Variants in TBATA observed in about 807,000 individuals in gnomAD.
The protein encoded by TBATA is protein TBATA.
In TBATA, 47 loss-of-function variants were observed where a neutral mutation model predicts 38.7. The observed-to-expected ratio is 1.21, with a 90% CI of 0.96 to 1.55. The LOEUF is 1.55. TBATA is among the 40% of genes most tolerant of loss of function. The probability of loss-of-function intolerance (pLI) is 0.00; values close to 1 mark genes in which losing one functional copy is unlikely to be tolerated. For synonymous variants in TBATA, 183 were observed against 170.5 expected (o/e 1.07, Z -0.57); for missense variants, 436 against 435.6 (o/e 1.00, Z -0.01).
chr10:70,774,063 G>A lies in TBATA; in HGVS notation c.920+150C>T. ...GAAGTGGCTTGGGTAGCACTAGAAGGTCCCTGGGGGAGGGGCTGGGCCTCT... is the reference window on the plus strand; with the variant it reads ...GAAGTGGCTTGGGTAGCACTAGAAGATCCCTGGGGGAGGGGCTGGGCCTCT... On this transcript the variant is annotated intron_variant, in intron 9 of 10. Coordinates refer to ENST00000456372, the MANE Select transcript of TBATA (RefSeq NM_001318241.2). 2.8e-6 allele frequency: 3 copies of A among 1,075,298 alleles called. No homozygotes were observed. In the East Asian group the frequency reaches 7.8e-5, roughly 28 times the overall value. 66.6% of individuals were successfully genotyped at this position (1,075,298 alleles called of 1,614,324 possible).
Position 70,771,253 on chromosome 10 carries a change from T to C in TBATA, c.*123A>G, listed in dbSNP as rs771195115. On this transcript the variant is annotated 3_prime_UTR_variant, in exon 11 of 11. Coordinates refer to ENST00000456372, the MANE Select transcript of TBATA (RefSeq NM_001318241.2). ...AACTGTCCTCTCTCAGGGAAGACGG[T>C]TTTATTTAGTAAGAGTTTTCACGGT... 7 of 1,595,728 alleles carry C rather than the reference T, an allele frequency of 4.4e-6. No homozygotes were observed. The highest frequency in any genetic ancestry group is 1.1e-5 in the South Asian group (1 of 89,662).
Position 70,775,224 on chromosome 10 carries a change from G to A in TBATA, c.740C>T (p.Ala247Val). The A allele has an allele frequency of 6.2e-7, 1 of 1,614,186 alleles. No individual in the cohort carries two copies. Among genetic ancestry groups the A allele is most frequent in the Non-Finnish European group, 8.5e-7 (1 of 1,180,016 alleles). ...AGCGTAGAGCAGCCAGAACTGGATT[G>A]CGCTTAGCAAGTCTGTTTCCAGGAT... is the stretch of plus-strand genomic sequence containing the variant. ...CRILETDLLSAIQFWLLYAPP... is the reference protein window; with the variant it reads ...CRILETDLLSVIQFWLLYAPP... The change falls in exon 8 of 11, where the codon GCA becomes GTA. Residue 247 changes from alanine to valine, a missense_variant. Transcript: ENST00000456372.
chr10:70,782,288 T>C, intron 3 of TBATA: 1 of 1,495,382 alleles, frequency 6.7e-7, no homozygotes. Context: ...ACTCAGACTC[T>C]CCCAGCACCC....
At chr10:70,785,003 AAAT>A (rs1310849215) in intron 1 of TBATA, among the ~76,000 whole-genome samples, 1 of 144,382 alleles carries the variant, frequency 6.9e-6, no homozygotes, top group Non-Finnish European at 1.5e-5. Context: ...TGATCCATTT[AAAT>A]TGATCTAATA....
rs564628753 is a variant in TBATA, at chr10:70,782,183, C to A, written c.42-147G>T. Reference sequence around the variant, plus strand: ...GGGTTTCACCACCACCCCCATAGCACCAAAAGCTAGGCCTCCCCCAGAGTC... The same window carrying A: ...GGGTTTCACCACCACCCCCATAGCAACAAAAGCTAGGCCTCCCCCAGAGTC... On this transcript the variant is annotated intron_variant, in intron 3 of 10. Transcript: ENST00000456372. The A allele has an allele frequency of 5.5e-6, 7 of 1,265,682 alleles. No homozygotes were observed. In the African/African-American group the frequency reaches 1.0e-4, roughly 19 times the overall value. The allele number at this position is 1,265,682 out of a possible 1,614,324, so 78.4% of individuals were successfully genotyped here.
rs888684958 is a variant in TBATA, at chr10:70,782,085, G to T, written c.42-49C>A. ...AGCTAATGGAGTCTCCTCTGGCAGT[G>T]GGCCCACCTGGGCTCAGAGCTCAGT... On this transcript the variant is annotated intron_variant, in intron 3 of 10. Transcript: ENST00000456372. The T allele has an allele frequency of 8.3e-6, 13 of 1,569,028 alleles. No individual in the cohort carries two copies. In the African/African-American group the frequency reaches 1.6e-4, roughly 20 times the overall value.
At chr10:70,776,344 C>T (rs1338280160) in intron 7 of TBATA, 1 of 456,260 alleles carries the variant, frequency 2.2e-6, no homozygotes, top group Non-Finnish European at 4.4e-6. Context: ...GCCCCCTCCC[C>T]ACAGGACCTG....
chr10:70,773,471 C>G (rs1343578798), intron 9 of TBATA, among the ~76,000 whole-genome samples: 2 of 151,394 alleles, frequency 1.3e-5, no homozygotes, highest in Non-Finnish European at 3.0e-5. Flanking sequence ...ACAGGCCCCC[C>G]CGGCTTCACC....
rs1465679112 is a variant in TBATA at position 70,774,370 on chromosome 10, C to T, written c.776-13G>A. The T allele has an allele frequency of 5.1e-6, 8 of 1,575,912 alleles. No individual in the cohort carries two copies. The highest frequency in any genetic ancestry group is 6.9e-6 in the Non-Finnish European group (8 of 1,161,028). ...GCGAGGTCTTTTTCTGAAAGCACAG[C>T]CCGGGGGCAGTGTCCTCAGCCCCCA... On this transcript the variant is annotated splice_polypyrimidine_tract_variant and intron_variant, in intron 8 of 10. Coordinates refer to ENST00000456372, the MANE Select transcript of TBATA (RefSeq NM_001318241.2).
chr10:70,779,646 A>C lies in TBATA; in HGVS notation c.374T>G (p.Ile125Ser). The change falls in exon 5 of 11, where the codon ATC (isoleucine) becomes AGC (serine). Residue 125 changes from isoleucine to serine, a missense_variant. Ile to Ser is a moderately radical substitution (Grantham distance 142). Transcript: ENST00000456372. Reference protein sequence around the residue: ...FSGCQMGIPTISVPIGDPQSN... With the variant: ...FSGCQMGIPTSSVPIGDPQSN... Reference sequence around the variant, plus strand: ...CTGTGGGTCTCCAATGGGGACAGAGATGGTGGGTATCCCCATTTGACAGCC... The same window carrying C: ...CTGTGGGTCTCCAATGGGGACAGAGCTGGTGGGTATCCCCATTTGACAGCC... The C allele has an allele frequency of 6.5e-7, 1 of 1,532,358 alleles. No homozygotes were observed. The highest frequency in any genetic ancestry group is 2.6e-5 in the East Asian group (1 of 38,412). 94.9% of individuals were successfully genotyped at this position (1,532,358 alleles called of 1,614,324 possible).
chr10:70,783,407 A>G lies in TBATA; in HGVS notation c.-28T>C, dbSNP rs1435417535. 6.2e-7 allele frequency: 1 copy of G among 1,613,476 alleles called. No homozygotes were observed. Among genetic ancestry groups the G allele is most frequent in the Non-Finnish European group, 8.5e-7 (1 of 1,179,458 alleles). The stretch of plus-strand genomic sequence containing the variant: ...TATGCTTTTTAACAGACTAAAGGCC[A>G]GTGCACTTAATACTAGCGTTGAGGA... On this transcript the variant is annotated 5_prime_UTR_variant, in exon 3 of 11. Coordinates refer to ENST00000456372, the MANE Select transcript of TBATA (RefSeq NM_001318241.2).
At chr10:70,773,156 T>C (rs1842957090) in intron 9 of TBATA, among the ~76,000 whole-genome samples, 1 of 152,048 alleles carries the variant, frequency 6.6e-6, no homozygotes. Flanking sequence ...CGCTAGGCCG[T>C]TCCTCCTCTG....
intron 9 of TBATA, among the ~76,000 whole-genome samples, 158 bp from the exon 10 acceptor site, chr10:70,772,724 C>T (rs1485288722): frequency 1.3e-5 from 2 of 152,100 alleles, no homozygotes; most frequent in Non-Finnish European, 2.9e-5. Flanking sequence ...GGCCAGAAAA[C>T]ATCTGTCCAT....
intron 2 of TBATA, 103 bp from the exon 3 acceptor site, chr10:70,783,628 C>T: frequency 2.2e-6 from 1 of 454,626 alleles, no homozygotes; most frequent in Non-Finnish European, 4.1e-6. Flanking sequence ...TATAGATGTA[C>T]AACAGGGGCT....
chr10:70,782,740 C>T (rs1844410959), intron 3 of TBATA: 1 of 747,864 alleles, frequency 1.3e-6, no homozygotes, highest in African/African-American at 1.9e-5. Context: ...CGCTATGCAT[C>T]TGCCCTTGGA....
chr10:70,781,041 G>A (rs938336395), intron 4 of TBATA, among the ~76,000 whole-genome samples: 1 of 152,140 alleles, frequency 6.6e-6, no homozygotes, highest in African/African-American at 2.4e-5. Context: ...TGGCCCAAAT[G>A]CCTACCTGAT....
chr10:70,773,745 A>G (rs1843026329), intron 9 of TBATA, among the ~76,000 whole-genome samples: 1 of 152,152 alleles, frequency 6.6e-6, no homozygotes, highest in South Asian at 2.1e-4. Flanking sequence ...AGGCAAACTT[A>G]TCGCTGCTCA....
intron 4 of TBATA, 141 bp from the exon 5 acceptor site, chr10:70,779,883 G>T: frequency 2.2e-6 from 2 of 914,120 alleles, no homozygotes; most frequent in Non-Finnish European, 1.6e-6. Context: ...TCAGAGCTGG[G>T]AGGGCATTGT....
At chr10:70,774,449 G>T in intron 8 of TBATA, 92 bp from the exon 9 acceptor site, 1 of 1,330,056 alleles carries the variant, frequency 7.5e-7, no homozygotes. Flanking sequence ...ATCCAGGGCA[G>T]CTTTCTCTAA....
Sources: allele counts gnomAD v4.1 joint callset (sites outside exome capture counted in the v4.1 genomes callset), GRCh38; gene constraint gnomAD v4.1.1; transcripts MANE v1.5; gene names NCBI Gene and HGNC (gene_info 2026-07-23, HGNC 2026-07-21).